The following ABCG2 variants were observed in gnomAD, a reference collection of about 807,000 sequenced individuals.
ABCG2 encodes broad substrate specificity ATP-binding cassette transporter ABCG2.
Under a neutral mutation model 73.5 loss-of-function variants are expected in ABCG2, and 80 were observed. The ratio of observed to expected loss-of-function variants is 1.09; its 90% CI spans 0.91 to 1.31. The LOEUF (loss-of-function observed/expected upper bound fraction) is 1.31. Ranked by LOEUF, ABCG2 falls within the 50% of genes most tolerant of loss-of-function variation. The pLI, the probability that ABCG2 is intolerant of heterozygous loss-of-function variation, is 0.00. For missense variants in ABCG2, 796 were observed against 786.2 expected (o/e 1.01, Z -0.15); for synonymous variants, 269 against 282.4 (o/e 0.95, Z 0.48).
chr4:88,144,824 G>A (rs1725875475), intron 1 of ABCG2, among the ~76,000 whole-genome samples: 1 of 152,054 alleles, frequency 6.6e-6, no homozygotes, highest in Admixed American at 6.6e-5. Flanking sequence ...TTATAAAAAT[G>A]ATAATCTGCA....
chr4:88,107,219 A>T lies in ABCG2; in HGVS notation c.1242T>A (p.Phe414Leu). Residue 414 changes from phenylalanine (F) to leucine (L), a missense_variant, in exon 10 of 16, where the codon TTT (phenylalanine) becomes TTA (leucine). Coordinates refer to ENST00000237612, the MANE Select transcript of ABCG2 (RefSeq NM_004827.3). Reference protein sequence around the residue: ...VLGLVIGAIYFGLKNDSTGIQ... With the variant: ...VLGLVIGAIYLGLKNDSTGIQ... ...TTCCAGTAGAATCATTTTTTAGCCC[A>T]AAGTAAATGGCACCTATAACCAGTC... 1 of 1,613,528 alleles carries T rather than the reference A, an allele frequency of 6.2e-7. No individual in the cohort carries two copies. The highest frequency in any genetic ancestry group is 8.5e-7 in the Non-Finnish European group (1 of 1,179,802).
chr4:88,197,233 A>G (rs1274758757), intron 1 of ABCG2, among the ~76,000 whole-genome samples: 1 of 152,160 alleles, frequency 6.6e-6, no homozygotes, highest in African/African-American at 2.4e-5. Context: ...AAAGGCAAAA[A>G]ATAGTTTGAC....
At chr4:88,206,853 G>T (rs974140206) in intron 1 of ABCG2, among the ~76,000 whole-genome samples, 1 of 152,140 alleles carries the variant, frequency 6.6e-6, no homozygotes, top group Admixed American at 6.6e-5. Context: ...TAGACACAGA[G>T]CGCTGATTGG....
At chr4:88,166,803 G>A (rs1044553019) in intron 1 of ABCG2, among the ~76,000 whole-genome samples, 5 of 152,172 alleles carry the variant, frequency 3.3e-5, no homozygotes, top group South Asian at 2.1e-4. Flanking sequence ...ATAGGAAAGC[G>A]AAGCCAGGAA....
chr4:88,150,508 G>T (rs572843144), intron 1 of ABCG2, among the ~76,000 whole-genome samples: 1 of 152,310 alleles, frequency 6.6e-6, no homozygotes, highest in African/African-American at 2.4e-5. Context: ...GATCTGAATG[G>T]CACTGGAAGG....
chr4:88,134,484 C>T (rs188721101), intron 2 of ABCG2, among the ~76,000 whole-genome samples: 54 of 152,280 alleles, frequency 3.5e-4, no homozygotes, highest in Middle Eastern at 6.8e-3. Flanking sequence ...ATGTGTAAAA[C>T]AACATACTAA....
chr4:88,159,460 T>C, upstream of ABCG2: 2 of 341,124 alleles, frequency 5.9e-6, no homozygotes, highest in South Asian at 2.1e-5. Context: ...GTTTAAATGT[T>C]ATTCTTTACA....
chr4:88,170,274 C>A (rs1426544638), intron 1 of ABCG2, among the ~76,000 whole-genome samples: 1 of 152,156 alleles, frequency 6.6e-6, no homozygotes, highest in Non-Finnish European at 1.5e-5. Context: ...CCTTTCCCAC[C>A]TTATGCTCTC....
intron 1 of ABCG2, among the ~76,000 whole-genome samples, chr4:88,214,628 G>C (rs1286910943): frequency 6.6e-6 from 1 of 152,080 alleles, no homozygotes; most frequent in African/African-American, 2.4e-5. Context: ...CGTAGGCTGA[G>C]GCAGGAGGAT....
chr4:88,203,052 CCTG>C (rs1729243426), intron 1 of ABCG2, among the ~76,000 whole-genome samples: 1 of 151,754 alleles, frequency 6.6e-6, no homozygotes, highest in Non-Finnish European at 1.5e-5. Flanking sequence ...GTTTTATTAG[CCTG>C]CTATTATGCC....
At chr4:88,220,786 G>T (rs1315642337) in intron 1 of ABCG2, 7 of 152,206 alleles carry the variant, frequency 4.6e-5, no homozygotes, top group Admixed American at 2.0e-4. Context: ...TTCTTGTGAT[G>T]GTAAGTTCTC....
intron 10 of ABCG2, among the ~76,000 whole-genome samples, chr4:88,101,940 C>T (rs923671643): frequency 6.6e-6 from 1 of 152,166 alleles, no homozygotes; most frequent in Non-Finnish European, 1.5e-5. Context: ...AAGTACCATT[C>T]CTAATGTACA....
intron 1 of ABCG2, among the ~76,000 whole-genome samples, chr4:88,145,397 G>C (rs1365794002): frequency 6.6e-6 from 1 of 152,192 alleles, no homozygotes; most frequent in Non-Finnish European, 1.5e-5. Flanking sequence ...CGATTTGACA[G>C]ATTTGTCCTG....
At chr4:88,110,824 A>AT (rs1553932764) in intron 9 of ABCG2, among the ~76,000 whole-genome samples, 75 of 139,550 alleles carry the variant, frequency 5.4e-4, no homozygotes, top group South Asian at 2.5e-3. Context: ...AAAAAAAAAA[A>AT]ATATATATTG....
chr4:88,225,269 C>A (rs1730165388), intron 1 of ABCG2, among the ~76,000 whole-genome samples: 2 of 152,106 alleles, frequency 1.3e-5, no homozygotes, highest in African/African-American at 2.4e-5. Context: ...CAGTTGTCGA[C>A]AATGCATAAA....
intron 1 of ABCG2, among the ~76,000 whole-genome samples, chr4:88,166,487 CCT>C (rs1160961199): frequency 6.6e-6 from 1 of 152,134 alleles, no homozygotes; most frequent in East Asian, 1.9e-4. Flanking sequence ...TGTCTATTCT[CCT>C]GTTAATCCAT....
chr4:88,175,424 T>C (rs7682757), intron 1 of ABCG2, among the ~76,000 whole-genome samples: 36,036 of 152,054 alleles, frequency 0.24, 5,624 homozygotes, highest in African/African-American at 0.45. Context: ...TATAATTCCT[T>C]CTTAATTTAT....
rs1430459599 is a variant in ABCG2, at chr4:88,131,144, T to A, written c.448A>T (p.Thr150Ser). The part of the protein sequence containing the change: ...LQFSAALRLA[T>S]TMTNHEKNER... ...TTTTTTTCATGATTCGTCATAGTTG[T>A]TGCAAGCCGAAGAGCTGCTGAGAAC... The change falls in exon 5 of 16, where the codon ACA becomes TCA. Residue 150 changes from threonine to serine, a missense_variant. By Grantham distance (58) the Thr-to-Ser change is moderately conservative. Coordinates refer to ENST00000237612, the MANE Select transcript of ABCG2 (RefSeq NM_004827.3). 1.2e-6 allele frequency: 2 copies of A among 1,613,972 alleles called. No homozygotes were observed. Among genetic ancestry groups the A allele is most frequent in the Admixed American group, 3.3e-5 (2 of 59,978 alleles).
chr4:88,210,126 A>G (rs1181803439), intron 1 of ABCG2, among the ~76,000 whole-genome samples: 2 of 152,094 alleles, frequency 1.3e-5, no homozygotes, highest in African/African-American at 4.8e-5. Flanking sequence ...TTGGTAATAA[A>G]ATGTTTTGAT....
Sources: gnomAD v4.1 joint callset for allele counts (sites outside exome capture counted in the v4.1 genomes callset) on GRCh38, gnomAD v4.1.1 for gene constraint, MANE v1.5 for transcripts, NCBI Gene and HGNC (gene_info 2026-07-23, HGNC 2026-07-21) for gene names.